The following EBF2 variants were observed in gnomAD, a reference collection of about 807,000 sequenced individuals.
EBF2 encodes transcription factor COE2.
EBF2 carries 21 observed loss-of-function variants against 72.8 expected under a neutral mutation model. The observed-to-expected ratio is 0.29, with a 90% CI of 0.20 to 0.42. The LOEUF is 0.42. EBF2 is among the 10% of genes least tolerant of loss of function. EBF2 has a pLI of 1.00. For synonymous variants in EBF2, 299 were observed against 274.2 expected (o/e 1.09, Z -0.89); for missense variants, 637 against 731.2 (o/e 0.87, Z 1.49).
intron 6 of EBF2, among the ~76,000 whole-genome samples, chr8:26,007,727 G>A (rs1017232761): frequency 2.0e-5 from 3 of 151,796 alleles, no homozygotes; most frequent in African/African-American, 7.3e-5. Context: ...CTGGATTCCC[G>A]GATCAGACAC....
At chr8:25,896,414 T>C (rs1276115365) in intron 7 of EBF2, among the ~76,000 whole-genome samples, 1 of 152,186 alleles carries the variant, frequency 6.6e-6, no homozygotes, top group East Asian at 1.9e-4. Flanking sequence ...AAGACTCTGA[T>C]ACCCTACTTA....
At position 26,044,603 on chromosome 8, in the gene EBF2, A is replaced by G; in HGVS notation, c.131+126T>C. On this transcript the variant is annotated intron_variant, in intron 1 of 15. Coordinates refer to ENST00000520164, the MANE Select transcript of EBF2 (RefSeq NM_022659.4). This position sits in a 1 kb window ranked among gnomAD's most constrained non-coding sequence, Gnocchi z 4.1. The stretch of plus-strand genomic sequence containing the variant: ...TGCCCGAGGGCGAGCCCCAGCGCGC[A>G]GGGCCTGGGCGACAGATGGGGGGAC... The G allele has an allele frequency of 7.2e-7, 1 of 1,389,524 alleles. No individual in the cohort carries two copies. Among genetic ancestry groups the G allele is most frequent in the Non-Finnish European group, 9.7e-7 (1 of 1,026,192 alleles). 86.1% of individuals were successfully genotyped at this position (1,389,524 alleles called of 1,614,324 possible). A position where few individuals can be genotyped will look rare whatever the true frequency, so the allele number is the denominator to read the frequency against.
At chr8:25,945,972 G>C (rs1307063953) in intron 6 of EBF2, among the ~76,000 whole-genome samples, 1 of 152,166 alleles carries the variant, frequency 6.6e-6, no homozygotes, top group African/African-American at 2.4e-5. Flanking sequence ...GGACTCTCCA[G>C]GGTGGCAGAA....
At chr8:25,873,766 T>G (rs1802476655) in intron 10 of EBF2, among the ~76,000 whole-genome samples, 1 of 152,144 alleles carries the variant, frequency 6.6e-6, no homozygotes, top group African/African-American at 2.4e-5. Flanking sequence ...ACTGTAAAAA[T>G]TAAAGATAAA....
intron 6 of EBF2, among the ~76,000 whole-genome samples, chr8:26,009,107 G>GAAAAA (rs66503039): frequency 4.7e-5 from 4 of 85,028 alleles, no homozygotes; most frequent in African/African-American, 1.5e-4. Flanking sequence ...GAGTAAAAGC[G>GAAAAA]AAAAAAAAAA....
Position 25,855,912 on chromosome 8 carries a change from G to C in EBF2, c.1528+2407C>G, listed in dbSNP as rs940389135. ...CTCCCGTCTCTCTTTCTGTCTCCCA[G>C]TTGGGCAGGTTGCCTTCCTCTTTTT... On this transcript the variant is annotated intron_variant, in intron 14 of 15. Coordinates refer to ENST00000520164, the MANE Select transcript of EBF2 (RefSeq NM_022659.4). Among the ~76,000 whole-genome samples, 7 of 152,294 alleles carry C rather than the reference G, an allele frequency of 4.6e-5. No homozygotes were observed. In the East Asian group the frequency reaches 1.4e-3, roughly 29 times the overall value.
At chr8:26,039,047 G>C (rs967660048) in intron 5 of EBF2, among the ~76,000 whole-genome samples, 2 of 152,020 alleles carry the variant, frequency 1.3e-5, no homozygotes, top group African/African-American at 4.8e-5. Context: ...AGCATGTATG[G>C]AGCAGACATT....
At chr8:25,953,186 T>C (rs1803892222) in intron 6 of EBF2, among the ~76,000 whole-genome samples, 2 of 152,218 alleles carry the variant, frequency 1.3e-5, no homozygotes, top group Admixed American at 6.5e-5. Context: ...TTCTTGACCA[T>C]GGCGAGTGGA....
At chr8:25,984,914 C>T (rs1804422688) in intron 6 of EBF2, among the ~76,000 whole-genome samples, 1 of 138,990 alleles carries the variant, frequency 7.2e-6, no homozygotes, top group Non-Finnish European at 1.5e-5. Context: ...AACTGAGAAA[C>T]TTCTTTAAAA....
At chr8:25,860,613 G>A (rs1007382568) in intron 13 of EBF2, among the ~76,000 whole-genome samples, 2 of 151,316 alleles carry the variant, frequency 1.3e-5, no homozygotes, top group Non-Finnish European at 2.9e-5. Context: ...CTGCAGCCTC[G>A]ACTTCCCAGG....
chr8:25,955,494 C>T (rs1803931180), intron 6 of EBF2, among the ~76,000 whole-genome samples: 2 of 151,916 alleles, frequency 1.3e-5, no homozygotes, highest in Non-Finnish European at 2.9e-5. Flanking sequence ...GAGATTTTAC[C>T]ACTATAAAAA....
At chr8:25,941,758 C>CA (rs1453861972) in intron 6 of EBF2, among the ~76,000 whole-genome samples, 1 of 152,142 alleles carries the variant, frequency 6.6e-6, no homozygotes, top group Admixed American at 6.5e-5. Flanking sequence ...CCCATACCTG[C>CA]CCCTACAGGT....
chr8:25,995,389 T>A (rs1437853328), intron 6 of EBF2, among the ~76,000 whole-genome samples: 3 of 151,900 alleles, frequency 2.0e-5, no homozygotes, highest in Non-Finnish European at 4.4e-5. Flanking sequence ...TATACAAAAA[T>A]ACAACAGATG....
chr8:25,973,043 T>A (rs922544321), intron 6 of EBF2, among the ~76,000 whole-genome samples: 2 of 146,784 alleles, frequency 1.4e-5, no homozygotes, highest in East Asian at 4.5e-4. Context: ...GGACTGCACA[T>A]TTTTGTATTC....
At chr8:25,932,842 T>C (rs976626153) in intron 6 of EBF2, among the ~76,000 whole-genome samples, 2 of 152,156 alleles carry the variant, frequency 1.3e-5, no homozygotes, top group African/African-American at 4.8e-5. Context: ...GCAAAATTGA[T>C]AATAAAAGCT....
chr8:25,944,210 C>A (rs1803727174), intron 6 of EBF2, among the ~76,000 whole-genome samples: 1 of 152,212 alleles, frequency 6.6e-6, no homozygotes, highest in East Asian at 1.9e-4. Context: ...AAGGAAAAGA[C>A]ATAGATGATA....
chr8:26,035,194 A>G (rs911427628), intron 5 of EBF2, among the ~76,000 whole-genome samples: 1 of 150,860 alleles, frequency 6.6e-6, no homozygotes, highest in Non-Finnish European at 1.5e-5. Flanking sequence ...TCAGGCTGGA[A>G]TGCAGTGACA....
At chr8:25,938,091 G>A (rs1803608850) in intron 6 of EBF2, among the ~76,000 whole-genome samples, 1 of 152,156 alleles carries the variant, frequency 6.6e-6, no homozygotes, top group African/African-American at 2.4e-5. Flanking sequence ...TTTTGAGCAG[G>A]GTGGGCTCGC....
intron 6 of EBF2, among the ~76,000 whole-genome samples, chr8:25,910,504 C>T (rs904912116): frequency 1.3e-5 from 2 of 152,154 alleles, no homozygotes; most frequent in Non-Finnish European, 2.9e-5. Flanking sequence ...AGACTACCCC[C>T]ACTCCCCGCT....
Sources: gnomAD v4.1 joint callset for allele counts (sites outside exome capture counted in the v4.1 genomes callset) on GRCh38, gnomAD v4.1.1 for gene constraint, Gnocchi (gnomAD v3.1) non-coding constraint, MANE v1.5 for transcripts, NCBI Gene and HGNC (gene_info 2026-07-23, HGNC 2026-07-21) for gene names.